The following PODNL1 variants were observed in gnomAD, a reference collection of about 807,000 sequenced individuals.
PODNL1 encodes the protein podocan like 1.
PODNL1 carries 50 observed loss-of-function variants against 45.1 expected under a neutral mutation model. The observed-to-expected ratio is 1.11, with a 90% CI of 0.88 to 1.40. The LOEUF is 1.40. PODNL1 is among the 40% of genes most tolerant of loss of function. The pLI is 0.00. For synonymous variants in PODNL1, 406 were observed against 372.5 expected (o/e 1.09, Z -1.04); for missense variants, 788 against 793.3 (o/e 0.99, Z 0.08).
upstream of PODNL1, among the ~76,000 whole-genome samples, chr19:13,940,400 T>C (rs1296693120): frequency 2.0e-5 from 3 of 149,474 alleles, no homozygotes; most frequent in Non-Finnish European, 4.4e-5. Flanking sequence ...TGAAACCCCA[T>C]CTCTACTAAA....
At chr19:13,945,804 G>T (rs1043655728) in intron 1 of PODNL1, among the ~76,000 whole-genome samples, 3 of 151,176 alleles carry the variant, frequency 2.0e-5, no homozygotes, top group African/African-American at 7.3e-5. Context: ...CAGGAGAATC[G>T]CTTGAACCTG....
At position 13,936,245 on chromosome 19, in the gene PODNL1, C is replaced by T; in HGVS notation, c.319+122G>A. 3 of 1,095,122 alleles carry T rather than the reference C, an allele frequency of 2.7e-6. No homozygotes were observed. The Admixed American group carries it at 5.8e-5, about 21-fold the overall frequency. 67.8% of individuals were successfully genotyped at this position (1,095,122 alleles called of 1,614,324 possible). Reference sequence around the variant, plus strand: ...GCTCCTGAGTTTCCATCCTGCTCAGCAAAGGGCAGTTCTGGGAACTGCCAC... The same window carrying T: ...GCTCCTGAGTTTCCATCCTGCTCAGTAAAGGGCAGTTCTGGGAACTGCCAC... On this transcript the variant is annotated intron_variant, in intron 3 of 9. Transcript: ENST00000588872.
intron 1 of PODNL1, among the ~76,000 whole-genome samples, chr19:13,943,530 T>C (rs1972722365): frequency 6.6e-6 from 1 of 152,000 alleles, no homozygotes; most frequent in South Asian, 2.1e-4. Flanking sequence ...GGTGTGATCT[T>C]GATTCACTGC....
chr19:13,951,565 G>A (rs1973032876), intron 1 of PODNL1, among the ~76,000 whole-genome samples: 1 of 152,178 alleles, frequency 6.6e-6, no homozygotes, highest in Admixed American at 6.6e-5. Context: ...CTGAGGTCAG[G>A]AGTTCGCAAC....
intron 2 of PODNL1, among the ~76,000 whole-genome samples, chr19:13,937,305 G>A (rs867988560): frequency 1.2e-4 from 2 of 17,344 alleles, no homozygotes; most frequent in Non-Finnish European, 9.9e-5. Flanking sequence ...CAACACCCCC[G>A]CAATCGACCC....
At chr19:13,946,385 G>A (rs559185270) in intron 1 of PODNL1, among the ~76,000 whole-genome samples, 17 of 150,838 alleles carry the variant, frequency 1.1e-4, no homozygotes, top group African/African-American at 3.4e-4. Flanking sequence ...AGCCAAGATC[G>A]AGCCATTACA....
At chr19:13,932,404 C>CAGTCT (rs1338429745) in intron 8 of PODNL1, 2 of 531,062 alleles carry the variant, frequency 3.8e-6, no homozygotes. Context: ...CTCTGTTGCC[C>CAGTCT]AGTCTAGAGG....
intron 1 of PODNL1, among the ~76,000 whole-genome samples, chr19:13,949,875 T>A (rs1972943636): frequency 6.6e-6 from 1 of 151,136 alleles, no homozygotes; most frequent in Admixed American, 6.6e-5. Flanking sequence ...TTTATTTATT[T>A]TTTTTTTGAG....
In PODNL1 at chr19:13,935,984, T is replaced by C; in HGVS notation, c.380A>G (p.Asn127Ser). The C allele has an allele frequency of 6.4e-7, 1 of 1,552,192 alleles. No homozygotes were observed. Among genetic ancestry groups the C allele is most frequent in the Non-Finnish European group, 8.7e-7 (1 of 1,148,502 alleles). The change falls in exon 4 of 10, where the codon AAC becomes AGC. Residue 127 changes from asparagine to serine, a missense_variant. Transcript: ENST00000588872. Reference protein sequence around the residue: ...TQLQHLCVAHNKLSVAPQFLP... With the variant: ...TQLQHLCVAHSKLSVAPQFLP... ...CGGGTGGGGCTGGGGGCTCACCTTG[T>C]TGTGAGCCACGCAGAGGTGCTGCAG...
Position 13,934,297 on chromosome 19 carries a change from A to G in PODNL1, c.608T>C (p.Leu203Pro). 1 of 1,538,092 alleles carries G rather than the reference A, an allele frequency of 6.5e-7. No homozygotes were observed. ...GAGTGAGGGCGGCAGGCTGGGCGGC[A>G]GGTAGCTGAGCTGGTTGTTGGAGAG... Reference protein sequence around the residue: ...LSLSNNQLSYLPPSLPPSLER... With the variant: ...LSLSNNQLSYPPPSLPPSLER... Residue 203 changes from leucine to proline, a missense_variant, in exon 6 of 10, where the codon CTG becomes CCG. This residue lies in a region of PODNL1 where 762 missense variants were observed against 750.9 expected (regional missense o/e 1.01). Coordinates refer to ENST00000588872, the MANE Select transcript of PODNL1 (RefSeq NM_001370095.3).
In PODNL1 at chr19:13,932,868, C is replaced by T. The variant is rs1190902007; in HGVS notation, c.1355G>A (p.Ser452Asn). The change falls in exon 8 of 10, where the codon AGC (serine) becomes AAC (asparagine). Residue 452 changes from serine to asparagine, a missense_variant. Physicochemically the swap from Ser to Asn is conservative, Grantham distance 46. Around this residue, in one of 3 missense-constraint regions of PODNL1, gnomAD observed 762 missense variants for 750.9 expected, o/e 1.01. Coordinates refer to ENST00000588872, the MANE Select transcript of PODNL1 (RefSeq NM_001370095.3). ...LAGLDQLREL[S>N]LAHNRLRVGD... ...GACCCGGAGCCGGTTGTGCGCCAGG[C>T]TGAGCTCCCGCAGTTGGTCCAGGCC... The T allele has an allele frequency of 1.2e-6, 2 of 1,610,226 alleles. No homozygotes were observed.
At chr19:13,936,513 C>T in intron 2 of PODNL1, 53 bp from the exon 3 acceptor site, 1 of 1,451,812 alleles carries the variant, frequency 6.9e-7, no homozygotes, top group East Asian at 2.3e-5. Context: ...ACCAAGTGAC[C>T]CCAAGCACTG....
At chr19:13,941,997 T>C (rs575061094), upstream of PODNL1, among the ~76,000 whole-genome samples, 2 of 152,176 alleles carry the variant, frequency 1.3e-5, no homozygotes, top group South Asian at 4.2e-4. Context: ...GGCCATTAGC[T>C]TGGACATTGG....
rs1972495648 is a variant in PODNL1, at chr19:13,938,006, A to G, written c.4T>C (p.Trp2Arg). The change falls in exon 2 of 10, where the codon TGG becomes CGG. Residue 2 changes from tryptophan to arginine, a missense_variant and splice_region_variant. Transcript: ENST00000588872. The stretch of plus-strand genomic sequence containing the variant: ...AGCAGGAGCAGCAGCAGGCTCGGCC[A>G]CTGCGGGGGAGGGAGGGTCAGCGTG... Reference protein sequence around the residue: MWPSLLLLLLLP... With the variant: MRPSLLLLLLLP... 9 of 1,521,402 alleles carry G rather than the reference A, an allele frequency of 5.9e-6. No individual in the cohort carries two copies. Among genetic ancestry groups the G allele is most frequent in the Non-Finnish European group, 8.0e-6 (9 of 1,127,346 alleles). The allele number at this position is 1,521,402 out of a possible 1,614,324, so 94.2% of individuals were successfully genotyped here.
intron 1 of PODNL1, among the ~76,000 whole-genome samples, chr19:13,948,312 T>A (rs1177029096): frequency 6.6e-6 from 1 of 150,790 alleles, no homozygotes; most frequent in Non-Finnish European, 1.5e-5. Context: ...GCCATTCTCC[T>A]GCCTCAGCCT....
intron 1 of PODNL1, among the ~76,000 whole-genome samples, chr19:13,951,104 T>A (rs994579915): frequency 1.3e-5 from 2 of 151,604 alleles, no homozygotes; most frequent in East Asian, 1.9e-4. Flanking sequence ...GATATATTTT[T>A]AAAAAACCAT....
intron 1 of PODNL1, 43 bp downstream of exon 1, chr19:13,938,136 G>C (rs1468059275): frequency 6.4e-7 from 1 of 1,559,574 alleles, no homozygotes; most frequent in East Asian, 2.3e-5. Context: ...GGGTGGGGGG[G>C]CAGGCAGGCC....
chr19:13,938,149 A>C lies in PODNL1; in HGVS notation c.3+30T>G, dbSNP rs567782204. ...AGGGGTGGGGGGGCAGGCAGGCCCCACCCTCAGACCCTCCCGTGCCCCACC... is the reference window on the plus strand; with the variant it reads ...AGGGGTGGGGGGGCAGGCAGGCCCCCCCCTCAGACCCTCCCGTGCCCCACC... On this transcript the variant is annotated intron_variant, in intron 1 of 9. Transcript: ENST00000588872. The C allele has an allele frequency of 6.5e-5, 102 of 1,576,152 alleles. No homozygotes were observed. In the East Asian group the frequency reaches 1.9e-3, roughly 30 times the overall value.
At position 13,934,278 on chromosome 19, in the gene PODNL1, G is replaced by A; in HGVS notation, c.627C>T (p.Pro209=). The A allele has an allele frequency of 3.9e-6, 6 of 1,530,140 alleles. No individual in the cohort carries two copies. Among genetic ancestry groups the A allele is most frequent in the Non-Finnish European group, 4.4e-6 (5 of 1,140,388 alleles). 94.8% of individuals were successfully genotyped at this position (1,530,140 alleles called of 1,614,324 possible). A position where few individuals can be genotyped will look rare whatever the true frequency, so the allele number is the denominator to read the frequency against. Residue 209 remains proline (P), a synonymous_variant, in exon 6 of 10, where the codon CCC becomes CCT. Transcript: ENST00000588872. The part of the protein sequence containing the change: ...QLSYLPPSLP[P]SLERLHLQNN... Reference sequence around the variant, plus strand: ...CCTGCAGGTGGAGCCGCTCGAGTGAGGGCGGCAGGCTGGGCGGCAGGTAGC... The same window carrying A: ...CCTGCAGGTGGAGCCGCTCGAGTGAAGGCGGCAGGCTGGGCGGCAGGTAGC...
Sources: allele counts gnomAD v4.1 joint callset (sites outside exome capture counted in the v4.1 genomes callset), GRCh38; gene constraint gnomAD v4.1.1; regional missense constraint gnomAD v4.1.1; transcripts MANE v1.5; gene names NCBI Gene and HGNC (gene_info 2026-07-23, HGNC 2026-07-21).